The following CPQ variants were observed in gnomAD, a reference collection of about 807,000 sequenced individuals.
CPQ encodes the protein Ser-Met dipeptidase.
CPQ carries 37 observed loss-of-function variants against 45.7 expected under a neutral mutation model. The observed-to-expected ratio is 0.81, with a 90% confidence interval of 0.62 to 1.07. The LOEUF (loss-of-function observed/expected upper bound fraction) is 1.07, where lower values mean the gene tolerates loss of function less well. Ranked by LOEUF, CPQ falls within the 50% of genes least tolerant of loss-of-function variation. The probability of loss-of-function intolerance (pLI) is 0.00; values close to 1 mark genes in which losing one functional copy is unlikely to be tolerated. For missense variants in CPQ, 537 were observed against 572.9 expected (o/e 0.94, Z 0.64); for synonymous variants, 186 against 205.8 (o/e 0.90, Z 0.82).
At chr8:96,883,411 G>A (rs1744937964) in intron 4 of CPQ, among the ~76,000 whole-genome samples, 1 of 152,188 alleles carries the variant, frequency 6.6e-6, no homozygotes, top group South Asian at 2.1e-4. Flanking sequence ...CAATTTCAGA[G>A]CAATCATGAG....
chr8:96,657,085 G>A (rs1487683739), intron 1 of CPQ, among the ~76,000 whole-genome samples: 5 of 151,584 alleles, frequency 3.3e-5, no homozygotes, highest in South Asian at 2.1e-4. Flanking sequence ...AGTGGCTCAC[G>A]CCTGTAATCC....
chr8:96,972,029 C>T (rs144986477), intron 5 of CPQ, among the ~76,000 whole-genome samples: 8 of 152,294 alleles, frequency 5.3e-5, no homozygotes, highest in African/African-American at 1.2e-4. Flanking sequence ...ACTGGATCAC[C>T]ACTGCAGGCT....
intron 7 of CPQ, among the ~76,000 whole-genome samples, chr8:97,135,704 A>T (rs1427901606): frequency 1.3e-5 from 2 of 152,220 alleles, no homozygotes; most frequent in Non-Finnish European, 2.9e-5. Context: ...ATTAAATTGC[A>T]TACCCCAGAC....
At chr8:96,880,401 C>T (rs1812204962) in intron 4 of CPQ, among the ~76,000 whole-genome samples, 1 of 151,420 alleles carries the variant, frequency 6.6e-6, no homozygotes, top group Admixed American at 6.6e-5. Flanking sequence ...GTAAATTGTT[C>T]TACTAAAATG....
chr8:96,837,830 T>C (rs967554438), intron 3 of CPQ, among the ~76,000 whole-genome samples: 4 of 152,192 alleles, frequency 2.6e-5, no homozygotes, highest in African/African-American at 9.7e-5. Flanking sequence ...TTATTGCTTT[T>C]TTCTCTTTCT....
At chr8:97,131,735 T>A (rs1811962052) in intron 7 of CPQ, among the ~76,000 whole-genome samples, 1 of 152,196 alleles carries the variant, frequency 6.6e-6, no homozygotes, top group South Asian at 2.1e-4. Flanking sequence ...GAATTTCTAC[T>A]AGAGTCATTT....
At chr8:97,038,784 A>G (rs74726241) in intron 6 of CPQ, among the ~76,000 whole-genome samples, 150 of 147,952 alleles carry the variant, frequency 1.0e-3, no homozygotes, top group African/African-American at 3.7e-3. Flanking sequence ...GGGCAAAACT[A>G]GACAAATGAG....
intron 2 of CPQ, among the ~76,000 whole-genome samples, chr8:96,812,808 C>T (rs980515708): frequency 3.3e-5 from 5 of 151,766 alleles, no homozygotes; most frequent in South Asian, 4.2e-4. Context: ...TGAGTCTCTC[C>T]GAAGGTTTTT....
At chr8:96,723,978 A>C (rs958051250) in intron 1 of CPQ, among the ~76,000 whole-genome samples, 3 of 152,070 alleles carry the variant, frequency 2.0e-5, no homozygotes, top group African/African-American at 7.2e-5. Flanking sequence ...CCAAGAACCT[A>C]CCCTAAACAA....
At chr8:96,739,894 G>T (rs1199346581) in intron 1 of CPQ, among the ~76,000 whole-genome samples, 2 of 152,130 alleles carry the variant, frequency 1.3e-5, no homozygotes, top group African/African-American at 4.8e-5. Flanking sequence ...GTCAGGTAGT[G>T]TGATGCCTCC....
At chr8:96,757,165 T>A (rs1810336653) in intron 1 of CPQ, among the ~76,000 whole-genome samples, 2 of 151,970 alleles carry the variant, frequency 1.3e-5, no homozygotes. Context: ...CTGGCCACCA[T>A]GGTGAAACCC....
intron 1 of CPQ, among the ~76,000 whole-genome samples, chr8:96,715,135 G>T (rs947632563): frequency 6.6e-6 from 1 of 152,156 alleles, no homozygotes; most frequent in South Asian, 2.1e-4. Flanking sequence ...AGTAGGGGAG[G>T]TGTCTGTGGG....
chr8:96,653,650 A>G (rs1815603377), intron 1 of CPQ, among the ~76,000 whole-genome samples: 1 of 152,250 alleles, frequency 6.6e-6, no homozygotes, highest in South Asian at 2.1e-4. Flanking sequence ...CTTACAATAG[A>G]GTAAGGTAGA....
chr8:97,007,498 GA>G (rs1381954156), intron 5 of CPQ, among the ~76,000 whole-genome samples: 4 of 152,200 alleles, frequency 2.6e-5, no homozygotes, highest in Non-Finnish European at 5.9e-5. Context: ...GTTAATGGAA[GA>G]TAATGATTTG....
chr8:96,910,800 G>A (rs552986847), intron 4 of CPQ, among the ~76,000 whole-genome samples: 6 of 152,204 alleles, frequency 3.9e-5, no homozygotes, highest in African/African-American at 7.2e-5. Flanking sequence ...CACCGCGCCC[G>A]GCTGAAGTAG....
intron 1 of CPQ, among the ~76,000 whole-genome samples, chr8:96,751,600 T>G (rs1157756687): frequency 6.6e-6 from 1 of 152,232 alleles, no homozygotes; most frequent in Non-Finnish European, 1.5e-5. Context: ...CTGTTCACTC[T>G]GATGATAGTT....
chr8:96,797,527 T>C (rs1810948706), intron 2 of CPQ, among the ~76,000 whole-genome samples: 2 of 152,148 alleles, frequency 1.3e-5, no homozygotes, highest in South Asian at 2.1e-4. Flanking sequence ...CAAAAAGGAA[T>C]ATAGAGCATA....
chr8:96,662,835 A>C (rs1808850125), intron 1 of CPQ, among the ~76,000 whole-genome samples: 1 of 152,126 alleles, frequency 6.6e-6, no homozygotes, highest in African/African-American at 2.4e-5. Flanking sequence ...AAAAAATATG[A>C]GAATTAGTTG....
At chr8:97,021,260 A>C (rs1293213776) in intron 5 of CPQ, among the ~76,000 whole-genome samples, 1 of 152,190 alleles carries the variant, frequency 6.6e-6, no homozygotes, top group African/African-American at 2.4e-5. Flanking sequence ...ACCCACAGCC[A>C]ACATAATACT....
Sources: gnomAD v4.1 joint callset for allele counts (sites outside exome capture counted in the v4.1 genomes callset) on GRCh38, gnomAD v4.1.1 for gene constraint, MANE v1.5 for transcripts, NCBI Gene and HGNC (gene_info 2026-07-23, HGNC 2026-07-21) for gene names.